Variants in LGR6 observed in about 807,000 individuals in gnomAD.
The protein encoded by LGR6 is leucine rich repeat containing G protein-coupled receptor 6, also known as leucine-rich repeat-containing G protein-coupled receptor 6.
A neutral mutation model predicts 69.4 loss-of-function variants in LGR6; 45 were observed. The ratio of observed to expected loss-of-function variants is 0.65; its 90% confidence interval spans 0.51 to 0.83. The LOEUF (loss-of-function observed/expected upper bound fraction) is 0.83, where lower values mean the gene tolerates loss of function less well. Among genes scored for constraint, LGR6 ranks in the 40% least tolerant of loss-of-function variants. The probability of loss-of-function intolerance (pLI) is 0.00; values close to 1 mark genes in which losing one functional copy is unlikely to be tolerated. For synonymous variants in LGR6, 538 were observed against 555.0 expected, an observed-to-expected ratio of 0.97 and a Z score of 0.43; for missense variants, 1,108 against 1,246.7, an observed-to-expected ratio of 0.89 and a Z score of 1.68.
chr1:202,202,012 T>C (rs1200560154), intron 1 of LGR6, among the ~76,000 whole-genome samples: 2 of 152,022 alleles, frequency 1.3e-5, no homozygotes, highest in African/African-American at 4.8e-5. Flanking sequence ...CCTGGGAGCA[T>C]CCAGGGAGGA....
chr1:202,279,523 A>G (rs1001777689), intron 5 of LGR6, among the ~76,000 whole-genome samples: 7 of 152,302 alleles, frequency 4.6e-5, no homozygotes, highest in South Asian at 2.1e-4. Flanking sequence ...TTTAACTAGG[A>G]TATGTCACAG....
At chr1:202,285,216 G>T (rs1253090306) in intron 6 of LGR6, among the ~76,000 whole-genome samples, 1 of 152,194 alleles carries the variant, frequency 6.6e-6, no homozygotes, top group Admixed American at 6.5e-5. Flanking sequence ...TCCTCTCTGT[G>T]TGTGTCTTTG....
At chr1:202,256,627 C>T (rs1663797673) in intron 4 of LGR6, among the ~76,000 whole-genome samples, 1 of 152,176 alleles carries the variant, frequency 6.6e-6, no homozygotes, top group Non-Finnish European at 1.5e-5. Flanking sequence ...TTGATGGATA[C>T]TTGGGCTGTT....
At position 202,303,337 on chromosome 1, in the gene LGR6, C is replaced by T. The variant is rs149712835; in HGVS notation, c.988C>T (p.Leu330=). The T allele has an allele frequency of 6.2e-6, 10 of 1,613,334 alleles. No homozygotes were observed. The African/African-American group carries it at 9.3e-5, about 15-fold the overall frequency. Reference sequence around the variant, plus strand: ...TCCAGATCTCAAAGGCACCACCAGCCTGGAGATCCTGTGAGTGGCTTCTCT... The same window carrying T: ...TCCAGATCTCAAAGGCACCACCAGCTTGGAGATCCTGTGAGTGGCTTCTCT... ...EFPDLKGTTS[L]EILTLTRAGI... is the part of the protein sequence containing the mutation. Residue 330 remains leucine (L), a synonymous_variant, in exon 10 of 18, where the codon CTG becomes TTG. Coordinates refer to ENST00000367278, the MANE Select transcript of LGR6 (RefSeq NM_001017403.2).
chr1:202,252,191 G>A (rs1429627706), intron 4 of LGR6, among the ~76,000 whole-genome samples: 2 of 152,044 alleles, frequency 1.3e-5, no homozygotes, highest in Admixed American at 6.5e-5. Context: ...CTACTCCAGC[G>A]AAGCCACTTC....
chr1:202,316,375 T>C (rs768084283), intron 17 of LGR6, among the ~76,000 whole-genome samples: 2 of 152,122 alleles, frequency 1.3e-5, no homozygotes, highest in Non-Finnish European at 2.9e-5. Context: ...AGGGAACTAA[T>C]CCATTCCCTG....
At chr1:202,241,696 G>A (rs1202321486) in intron 4 of LGR6, among the ~76,000 whole-genome samples, 2 of 151,656 alleles carry the variant, frequency 1.3e-5, no homozygotes, top group Non-Finnish European at 2.9e-5. Context: ...AAACAGCATG[G>A]CAAAGCAGAA....
Position 202,305,708 on chromosome 1 carries a change from G to A in LGR6, c.1095G>A (p.Glu365=). Residue 365 remains glutamate, a synonymous_variant, in exon 12 of 18, where the codon GAG becomes GAA. Coordinates refer to ENST00000367278, the MANE Select transcript of LGR6 (RefSeq NM_001017403.2). ...RVLELSHNQI[E]ELPSLHRCQK... Reference sequence around the variant, plus strand: ...GGGAACTGTCTCACAATCAAATTGAGGAGCTGCCCAGCCTGCACAGGTGTC... The same window carrying A: ...GGGAACTGTCTCACAATCAAATTGAAGAGCTGCCCAGCCTGCACAGGTGTC... The A allele has an allele frequency of 6.2e-7, 1 of 1,614,000 alleles. No individual in the cohort carries two copies. Among genetic ancestry groups the A allele is most frequent in the Non-Finnish European group, 8.5e-7 (1 of 1,180,014 alleles).
At chr1:202,235,212 C>T (rs1661438210) in intron 3 of LGR6, among the ~76,000 whole-genome samples, 1 of 152,214 alleles carries the variant, frequency 6.6e-6, no homozygotes, top group Admixed American at 6.5e-5. Flanking sequence ...CTACCCTACA[C>T]ATGGGGTTCC....
At chr1:202,198,305 A>C (rs1658713313) in intron 1 of LGR6, among the ~76,000 whole-genome samples, 2 of 152,250 alleles carry the variant, frequency 1.3e-5, no homozygotes. Context: ...ACCCCCAGCC[A>C]GTTGATTAGC....
At chr1:202,198,063 A>T (rs1283444279) in intron 1 of LGR6, among the ~76,000 whole-genome samples, 1 of 151,774 alleles carries the variant, frequency 6.6e-6, no homozygotes, top group East Asian at 1.9e-4. Context: ...TTACGAATTC[A>T]CTCCCTTTAA....
At chr1:202,278,390 A>G (rs1342908149) in intron 5 of LGR6, among the ~76,000 whole-genome samples, 1 of 152,062 alleles carries the variant, frequency 6.6e-6, no homozygotes, top group African/African-American at 2.4e-5. Flanking sequence ...ATTGGCCTAT[A>G]AGTCAGGCCT....
intron 6 of LGR6, among the ~76,000 whole-genome samples, chr1:202,295,867 A>G (rs1667115805): frequency 7.7e-6 from 1 of 129,784 alleles, no homozygotes; most frequent in African/African-American, 3.0e-5. Flanking sequence ...TAATTGGGTA[A>G]TTAGTGTGTG....
chr1:202,306,623 CTG>C, intron 12 of LGR6: 1 of 545,602 alleles, frequency 1.8e-6, no homozygotes, highest in South Asian at 2.0e-5. Flanking sequence ...AGTGGGAACA[CTG>C]GAAGCTGACT....
rs573952340 is a variant in LGR6, at chr1:202,200,360, G to T, written c.212+6159G>T. Among the ~76,000 whole-genome samples, 13 of 152,348 alleles carry T rather than the reference G, an allele frequency of 8.5e-5. 1 individual carries two copies. Among genetic ancestry groups the T allele is most frequent in the African/African-American group, 3.1e-4 (13 of 41,576 alleles). ...GCCCAAGGAAAAGCAGGGGTGAATG[G>T]GTCATTTGGGATTGGGAGTGTTGTT... On this transcript the variant is annotated intron_variant, in intron 1 of 17. Coordinates refer to ENST00000367278, the MANE Select transcript of LGR6 (RefSeq NM_001017403.2).
In LGR6 at chr1:202,318,217, G is replaced by A. The variant is rs771747559; in HGVS notation, c.1914G>A (p.Thr638=). Residue 638 remains threonine, a synonymous_variant, in exon 18 of 18, where the codon ACG becomes ACA. Transcript: ENST00000367278. ...QFSEYGARWE[T]GLGCRATGFL... ...CTGAGTACGGAGCCCGCTGGGAGACGGGGCTAGGCTGCCGGGCCACTGGCT... is the reference window on the plus strand; with the variant it reads ...CTGAGTACGGAGCCCGCTGGGAGACAGGGCTAGGCTGCCGGGCCACTGGCT... 6.2e-6 allele frequency: 10 copies of A among 1,612,300 alleles called. No homozygotes were observed. The highest frequency in any genetic ancestry group is 3.3e-5 in the South Asian group (3 of 91,000).
intron 4 of LGR6, among the ~76,000 whole-genome samples, chr1:202,237,307 G>A (rs574459015): frequency 2.6e-5 from 4 of 152,378 alleles, no homozygotes; most frequent in African/African-American, 9.6e-5. Context: ...CGGAAGACCA[G>A]AGGCCAGGCA....
intron 6 of LGR6, among the ~76,000 whole-genome samples, chr1:202,288,685 G>A (rs78125449): frequency 0.12 from 18,616 of 152,192 alleles, 1,441 homozygotes; most frequent in Middle Eastern, 0.23. Context: ...CCCAGGAGCT[G>A]GCACAGGTGT....
At chr1:202,258,835 T>G (rs988863768) in intron 4 of LGR6, among the ~76,000 whole-genome samples, 1 of 152,050 alleles carries the variant, frequency 6.6e-6, no homozygotes, top group Non-Finnish European at 1.5e-5. Context: ...GAACAATGAC[T>G]ATTAGCAATT....
Sources: allele counts gnomAD v4.1 joint callset (sites outside exome capture counted in the v4.1 genomes callset), GRCh38; gene constraint gnomAD v4.1.1; transcripts MANE v1.5; gene names NCBI Gene and HGNC (gene_info 2026-07-23, HGNC 2026-07-21).